The following EP300 variants were observed in gnomAD, a reference collection of about 807,000 sequenced individuals.
The protein encoded by EP300 is EP300 lysine acetyltransferase.
EP300 carries 31 observed loss-of-function variants against 264.0 expected under a neutral mutation model. The ratio of observed to expected loss-of-function variants is 0.12; its 90% CI spans 0.09 to 0.16. The LOEUF is 0.16. EP300 is among the 10% of genes least tolerant of loss of function. The probability of loss-of-function intolerance (pLI) is 1.00; values close to 1 mark genes in which losing one functional copy is unlikely to be tolerated. For missense variants in EP300, 2,766 were observed against 3,052.9 expected (o/e 0.91, Z 2.21); for synonymous variants, 1,340 against 1,045.4 (o/e 1.28, Z -5.44).
chr22:41,129,182 T>TG (rs2145712351), intron 4 of EP300, among the ~76,000 whole-genome samples: 1 of 151,534 alleles, frequency 6.6e-6, no homozygotes, highest in South Asian at 2.1e-4. Flanking sequence ...GCTAATTTTT[T>TG]TTGTATTTTT....
intron 1 of EP300, among the ~76,000 whole-genome samples, chr22:41,116,099 G>C (rs1403572231): frequency 1.3e-5 from 2 of 152,142 alleles, no homozygotes; most frequent in Non-Finnish European, 2.9e-5. Context: ...TTCCATGACT[G>C]TGGATACAAA....
intron 6 of EP300, among the ~76,000 whole-genome samples, chr22:41,133,809 T>C (rs1358957999): frequency 6.6e-6 from 1 of 152,246 alleles, no homozygotes; most frequent in Non-Finnish European, 1.5e-5. Context: ...AGTGATCTGC[T>C]TTTAAGCACA....
chr22:41,163,995 C>G (rs931547636), intron 21 of EP300, 58 bp from the exon 22 acceptor site: 2 of 1,492,680 alleles, frequency 1.3e-6, no homozygotes, highest in East Asian at 2.3e-5. Flanking sequence ...GGAAATATTG[C>G]AAGTTTTCAT....
Position 41,152,299 on chromosome 22 carries a change from A to C in EP300, c.3091A>C (p.Ser1031Arg), listed in dbSNP as rs1278777066. ...TEIKEEEDQP[S>R]TSATQSSPAP... ...AATAAAAGAGGAGGAAGACCAGCCA[A>C]GTACTTCAGCTACCCAGTCATCTCC... The change falls in exon 16 of 31, where the codon AGT (serine) becomes CGT (arginine). Residue 1031 changes from serine (S) to arginine (R), a missense_variant. By Grantham distance (110) the Ser-to-Arg change is moderately radical (BLOSUM62 -1). Transcript: ENST00000263253. 6.2e-7 allele frequency: 1 copy of C among 1,614,184 alleles called. No individual in the cohort carries two copies. Among genetic ancestry groups the C allele is most frequent in the Non-Finnish European group, 8.5e-7 (1 of 1,180,014 alleles).
intron 1 of EP300, among the ~76,000 whole-genome samples, chr22:41,105,424 A>C (rs2058753533): frequency 6.6e-6 from 1 of 150,922 alleles, no homozygotes; most frequent in Non-Finnish European, 1.5e-5. Flanking sequence ...TTTGAGATGG[A>C]GTCTCACTCT....
rs1163407374 is a variant in EP300 at position 41,178,816 on chromosome 22, C to A, written c.7105C>A (p.Gln2369Lys). ...ACAAGGGCATTTTGCCAGCCCGGAC[C>A]AGAATTCAATGCTTTCTCAGCTTGC... ...MEQGHFASPDQNSMLSQLASN... is the reference protein window; with the variant it reads ...MEQGHFASPDKNSMLSQLASN... The change falls in exon 31 of 31, where the codon CAG (glutamine) becomes AAG (lysine). Residue 2369 changes from glutamine to lysine, a missense_variant. By Grantham distance (53) the Gln-to-Lys change is moderately conservative (BLOSUM62 1). Coordinates refer to ENST00000263253, the MANE Select transcript of EP300 (RefSeq NM_001429.4). The A allele has an allele frequency of 7.4e-6, 12 of 1,614,064 alleles. No individual in the cohort carries two copies. Among genetic ancestry groups the A allele is most frequent in the Non-Finnish European group, 9.3e-6 (11 of 1,180,046 alleles).
intron 1 of EP300, among the ~76,000 whole-genome samples, chr22:41,109,010 T>C (rs552338938): frequency 2.6e-5 from 4 of 152,228 alleles, no homozygotes; most frequent in African/African-American, 9.6e-5. Context: ...GTGGCACACA[T>C]ATGTAAGTAA....
At chr22:41,117,075 A>T in intron 1 of EP300, 112 bp from the exon 2 acceptor site, 1 of 952,094 alleles carries the variant, frequency 1.1e-6, no homozygotes, top group Non-Finnish European at 1.6e-6. Flanking sequence ...AAATAGAAAA[A>T]CATGGAGTGA....
chr22:41,135,965 T>A (rs2058948471), intron 7 of EP300, 59 bp downstream of exon 7: 3 of 1,281,884 alleles, frequency 2.3e-6, no homozygotes, highest in Admixed American at 1.7e-5. Flanking sequence ...GGTTAACAAT[T>A]CATTGTTTGA....
chr22:41,177,892 C>T lies in EP300; in HGVS notation c.6181C>T (p.Pro2061Ser), dbSNP rs1356752023. 2 of 1,614,084 alleles carry T rather than the reference C, an allele frequency of 1.2e-6. No homozygotes were observed. The highest frequency in any genetic ancestry group is 1.7e-6 in the Non-Finnish European group (2 of 1,180,040). The change falls in exon 31 of 31, where the codon CCC (proline) becomes TCC (serine). Residue 2061 changes from proline (P) to serine (S), a missense_variant. By Grantham distance (74) the Pro-to-Ser change is moderately conservative. Coordinates refer to ENST00000263253, the MANE Select transcript of EP300 (RefSeq NM_001429.4). ...LQNLLRTLRSPSSPLQQQQVL... is the reference protein window; with the variant it reads ...LQNLLRTLRSSSSPLQQQQVL... Reference sequence around the variant, plus strand: ...AAACCTTTTGCGGACTCTCAGGTCTCCCAGCTCTCCCCTGCAGCAGCAACA... The same window carrying T: ...AAACCTTTTGCGGACTCTCAGGTCTTCCAGCTCTCCCCTGCAGCAGCAACA...
intron 2 of EP300, among the ~76,000 whole-genome samples, chr22:41,119,536 A>C (rs1023361048): frequency 6.6e-6 from 1 of 152,194 alleles, no homozygotes. Flanking sequence ...TTTAGGGTTA[A>C]AGTAGTGAAT....
chr22:41,176,602 T>G (rs1308839074), intron 30 of EP300, 74 bp downstream of exon 30: 5 of 1,609,096 alleles, frequency 3.1e-6, no homozygotes, highest in Non-Finnish European at 3.4e-6. Flanking sequence ...GCCACGTATT[T>G]TATAGAGGCC....
intron 1 of EP300, among the ~76,000 whole-genome samples, chr22:41,106,775 T>TC: frequency 6.6e-6 from 1 of 151,678 alleles, no homozygotes; most frequent in Admixed American, 6.6e-5. Flanking sequence ...TTTAAATTTT[T>TC]TTGTAGAGGC....
intron 27 of EP300, among the ~76,000 whole-genome samples, chr22:41,170,982 CAAAA>C (rs2059167506): frequency 8.0e-6 from 1 of 125,214 alleles, no homozygotes; most frequent in East Asian, 2.5e-4. Context: ...TTTTTTTAAA[CAAAA>C]GTCTTGCTTG....
At chr22:41,111,711 T>A (rs2058791489) in intron 1 of EP300, among the ~76,000 whole-genome samples, 1 of 151,640 alleles carries the variant, frequency 6.6e-6, no homozygotes, top group Non-Finnish European at 1.5e-5. Context: ...CCGCTAATTT[T>A]GTATTTTTGG....
chr22:41,141,361 C>G lies in EP300; in HGVS notation c.2053+139C>G, dbSNP rs764602001. 960 of 872,642 alleles carry G rather than the reference C, an allele frequency of 1.1e-3. 13 individuals carry two copies. The highest frequency in any genetic ancestry group is 2.7e-4 in the Non-Finnish European group (151 of 564,674). 54.1% of individuals were successfully genotyped at this position (872,642 alleles called of 1,614,324 possible). ...CCATTTGCCTTTGCAAAGAAAATAACTCATCTACTAGTAAAAACAGAAGCA... is the reference window on the plus strand; with the variant it reads ...CCATTTGCCTTTGCAAAGAAAATAAGTCATCTACTAGTAAAAACAGAAGCA... On this transcript the variant is annotated intron_variant, in intron 10 of 30. Coordinates refer to ENST00000263253, the MANE Select transcript of EP300 (RefSeq NM_001429.4).
At chr22:41,169,858 C>T (rs1041410081) in intron 26 of EP300, among the ~76,000 whole-genome samples, 1 of 152,172 alleles carries the variant, frequency 6.6e-6, no homozygotes. Flanking sequence ...CCATTGGGTC[C>T]ACTTTGCTTT....
At chr22:41,111,610 T>C (rs1034570653) in intron 1 of EP300, among the ~76,000 whole-genome samples, 2 of 152,108 alleles carry the variant, frequency 1.3e-5, no homozygotes, top group Non-Finnish European at 2.9e-5. Context: ...TGGCACTATC[T>C]GGGCTCACCA....
intron 1 of EP300, among the ~76,000 whole-genome samples, chr22:41,114,400 C>G (rs2058810298): frequency 6.6e-6 from 1 of 152,146 alleles, no homozygotes; most frequent in Non-Finnish European, 1.5e-5. Context: ...CCAGGCTGGT[C>G]TGCTGAGCTC....
Sources: allele counts gnomAD v4.1 joint callset (sites outside exome capture counted in the v4.1 genomes callset), GRCh38; gene constraint gnomAD v4.1.1; transcripts MANE v1.5; gene names NCBI Gene and HGNC (gene_info 2026-07-23, HGNC 2026-07-21).